The following GPLD1 variants were observed in gnomAD, a reference collection of about 807,000 sequenced individuals.
GPLD1 encodes phosphatidylinositol-glycan-specific phospholipase D.
A neutral mutation model predicts 112.6 loss-of-function variants in GPLD1; 84 were observed. The observed-to-expected ratio is 0.75, with a 90% CI of 0.63 to 0.89. The LOEUF (loss-of-function observed/expected upper bound fraction) is 0.89. GPLD1 is among the 40% of genes least tolerant of loss of function. The probability of loss-of-function intolerance (pLI) is 0.00; values close to 1 mark genes in which losing one functional copy is unlikely to be tolerated. For synonymous variants in GPLD1, 386 were observed against 403.8 expected (o/e 0.96, Z 0.53); for missense variants, 1,044 against 1,051.5 (o/e 0.99, Z 0.10).
At chr6:24,471,623 CCA>C (rs1763826943) in intron 7 of GPLD1, among the ~76,000 whole-genome samples, 1 of 152,102 alleles carries the variant, frequency 6.6e-6, no homozygotes, top group Admixed American at 6.6e-5. Context: ...AAAATTAACT[CCA>C]GTTAAATCAA....
intron 2 of GPLD1, among the ~76,000 whole-genome samples, chr6:24,483,010 G>C (rs1314764505): frequency 6.6e-6 from 1 of 151,970 alleles, no homozygotes; most frequent in African/African-American, 2.4e-5. Flanking sequence ...AAACCAAAAG[G>C]AACAGATCAA....
At chr6:24,441,391 A>T (rs1762742842) in intron 20 of GPLD1, among the ~76,000 whole-genome samples, 2 of 152,148 alleles carry the variant, frequency 1.3e-5, no homozygotes, top group Admixed American at 6.5e-5. Context: ...TGCACACTGA[A>T]GCGCTTCAGT....
At chr6:24,459,123 C>T (rs1476071611) in intron 12 of GPLD1, among the ~76,000 whole-genome samples, 1 of 152,156 alleles carries the variant, frequency 6.6e-6, no homozygotes, top group African/African-American at 2.4e-5. Flanking sequence ...CTTTCCCAAC[C>T]CACTAACAGA....
chr6:24,434,469 G>A (rs1279762533), intron 22 of GPLD1, among the ~76,000 whole-genome samples: 1 of 151,936 alleles, frequency 6.6e-6, no homozygotes, highest in African/African-American at 2.4e-5. Flanking sequence ...AAATATGCAC[G>A]CACATAGTGT....
At position 24,463,045 on chromosome 6, in the gene GPLD1, G is replaced by A. The variant is rs557818130; in HGVS notation, c.822-250C>T. Reference sequence around the variant, plus strand: ...GACTCAGCCTTCCTCTTCCCTCCCCGCTCCACCTGCTGAGCTGTTCCACGC... The same window carrying A: ...GACTCAGCCTTCCTCTTCCCTCCCCACTCCACCTGCTGAGCTGTTCCACGC... On this transcript the variant is annotated intron_variant, in intron 10 of 24. Transcript: ENST00000230036. 6.6e-5 allele frequency among the ~76,000 whole-genome samples: 10 copies of A among 152,174 alleles called. No homozygotes were observed. The East Asian group carries it at 1.2e-3, about 18-fold the overall frequency.
intron 2 of GPLD1, among the ~76,000 whole-genome samples, chr6:24,482,819 C>T (rs1764249210): frequency 6.6e-6 from 1 of 151,986 alleles, no homozygotes; most frequent in African/African-American, 2.4e-5. Flanking sequence ...ATTAGCCAAA[C>T]ATGGTGGTGC....
At chr6:24,436,364 CA>C (rs1286044208) in intron 22 of GPLD1, among the ~76,000 whole-genome samples, 1 of 152,184 alleles carries the variant, frequency 6.6e-6, no homozygotes, top group East Asian at 1.9e-4. Context: ...TACATAACAC[CA>C]AGTCCAGTGG....
At chr6:24,454,689 C>T (rs1285121259) in intron 13 of GPLD1, among the ~76,000 whole-genome samples, 1 of 152,222 alleles carries the variant, frequency 6.6e-6, no homozygotes, top group African/African-American at 2.4e-5. Context: ...TCAAGAGTCC[C>T]ACATGTTTAG....
At chr6:24,482,158 G>T (rs1240943059) in intron 2 of GPLD1, among the ~76,000 whole-genome samples, 1 of 144,434 alleles carries the variant, frequency 6.9e-6, no homozygotes, top group East Asian at 2.0e-4. Flanking sequence ...GGAGTGCAGT[G>T]GCGTGATCTC....
intron 20 of GPLD1, among the ~76,000 whole-genome samples, chr6:24,439,513 A>C (rs1209477930): frequency 6.6e-6 from 1 of 152,240 alleles, no homozygotes; most frequent in Non-Finnish European, 1.5e-5. Context: ...AGTCTGTTAA[A>C]GAAGAGAAGC....
Position 24,427,657 on chromosome 6 carries a change from C to G in GPLD1, c.*1375G>C, listed in dbSNP as rs143371893. ...GATCAGGAGTTCGAGACCAGCCTGG[C>G]CAACATGGTGAAACCCTGTCTCTAC... On this transcript the variant is annotated 3_prime_UTR_variant, in exon 25 of 25. Coordinates refer to ENST00000230036, the MANE Select transcript of GPLD1 (RefSeq NM_001503.4). Among the ~76,000 whole-genome samples, 4,103 of 151,984 alleles carry G rather than the reference C, an allele frequency of 0.027. 82 individuals are homozygous for G. Among genetic ancestry groups the G allele is most frequent in the Non-Finnish European group, 0.042 (2,832 of 67,940 alleles).
At chr6:24,494,992 G>C (rs746547321) in exon 1 of GPLD1, 45 of 1,315,006 alleles carry the variant, frequency 3.4e-5, no homozygotes, top group Non-Finnish European at 4.4e-5. Context: ...GTCGTTGCCC[G>C]GGCCATGGCG....
intron 6 of GPLD1, among the ~76,000 whole-genome samples, 162 bp from the exon 7 acceptor site, chr6:24,472,798 G>C (rs529205900): frequency 6.7e-6 from 1 of 149,686 alleles, no homozygotes; most frequent in East Asian, 2.0e-4. Flanking sequence ...TTTTTTAGAC[G>C]GAGTTTTGCT....
At chr6:24,466,590 T>C (rs543678832) in intron 10 of GPLD1, 90 bp downstream of exon 10, 2 of 1,003,162 alleles carry the variant, frequency 2.0e-6, no homozygotes, top group Non-Finnish European at 3.0e-6. Context: ...TTTGTTTTTA[T>C]GTGATCAGTT....
intron 5 of GPLD1, among the ~76,000 whole-genome samples, chr6:24,474,107 C>G (rs78530179): frequency 0.093 from 14,057 of 151,252 alleles, 892 homozygotes; most frequent in South Asian, 0.15. Flanking sequence ...ACCTGAGCAA[C>G]AAGAGTGAAA....
In GPLD1 at chr6:24,437,216, TGTG is replaced by T; in HGVS notation, c.2091_2093del (p.Thr698del). ...TGAGCAGCAGAGGCTGCGCGTCAGA[TGTG>T]AGTGCGTACATGCGAGTGGCTCCGC... On this transcript the variant is annotated inframe_deletion, in exon 21 of 25. Coordinates refer to ENST00000230036, the MANE Select transcript of GPLD1 (RefSeq NM_001503.4). 6.2e-7 allele frequency: 1 copy of T among 1,614,118 alleles called. No individual in the cohort carries two copies.
At chr6:24,451,627 C>T (rs12524609) in intron 14 of GPLD1, among the ~76,000 whole-genome samples, 36,253 of 152,146 alleles carry the variant, frequency 0.24, 4,550 homozygotes, top group Non-Finnish European at 0.27. Flanking sequence ...TGAGCCACCG[C>T]GCCCGGCCAG....
rs1210937677 is a variant in GPLD1 at position 24,489,321 on chromosome 6, G to C, written c.97+94C>G. The C allele has an allele frequency of 4.3e-6, 4 of 929,482 alleles. No individual in the cohort carries two copies. The Admixed American group carries it at 8.1e-5, about 19-fold the overall frequency. The allele number at this position is 929,482 out of a possible 1,614,324, so 57.6% of individuals were successfully genotyped here. Reference sequence around the variant, plus strand: ...CTCAGCTCAGTGCCCAGGGGAAACTGTATCAATCCACGAGCGGGATTTTCA... The same window carrying C: ...CTCAGCTCAGTGCCCAGGGGAAACTCTATCAATCCACGAGCGGGATTTTCA... On this transcript the variant is annotated intron_variant, in intron 1 of 24. Transcript: ENST00000230036.
At chr6:24,430,390 AAACTGGATG>A (rs1435765664) in intron 24 of GPLD1, among the ~76,000 whole-genome samples, 1 of 152,148 alleles carries the variant, frequency 6.6e-6, no homozygotes, top group African/African-American at 2.4e-5. Flanking sequence ...ATCATACACC[AAACTGGATG>A]GTCTTGTGGG....
Sources: allele counts gnomAD v4.1 joint callset (sites outside exome capture counted in the v4.1 genomes callset), GRCh38; gene constraint gnomAD v4.1.1; transcripts MANE v1.5; gene names NCBI Gene and HGNC (gene_info 2026-07-23, HGNC 2026-07-21).